The following AP3B1 variants were observed in gnomAD, a reference collection of about 807,000 sequenced individuals.
AP3B1 encodes AP-3 complex subunit beta-1.
A neutral mutation model predicts 132.5 loss-of-function variants in AP3B1; 61 were observed. The ratio of observed to expected loss-of-function variants is 0.46; its 90% CI spans 0.37 to 0.57. AP3B1 has a LOEUF of 0.57. Among genes scored for constraint, AP3B1 ranks in the 20% least tolerant of loss-of-function variants. The pLI is 0.00. For synonymous variants in AP3B1, 388 were observed against 438.3 expected, an observed-to-expected ratio of 0.89 and a Z score of 1.43; for missense variants, 1,120 against 1,289.4, an observed-to-expected ratio of 0.87 and a Z score of 2.01.
intron 22 of AP3B1, among the ~76,000 whole-genome samples, chr5:78,044,533 G>A (rs576017549): frequency 5.3e-5 from 8 of 152,208 alleles, no homozygotes; most frequent in South Asian, 4.2e-4. Flanking sequence ...TATAATATCG[G>A]GGAAAGAAAG....
chr5:78,038,503 T>C (rs1213512100), intron 23 of AP3B1, among the ~76,000 whole-genome samples: 2 of 152,248 alleles, frequency 1.3e-5, no homozygotes, highest in African/African-American at 4.8e-5. Context: ...AGAAACTTTA[T>C]GAATTTGTGT....
intron 3 of AP3B1, among the ~76,000 whole-genome samples, chr5:78,237,093 G>A (rs1746909390): frequency 1.3e-5 from 2 of 152,266 alleles, no homozygotes; most frequent in East Asian, 1.9e-4. Flanking sequence ...GAATACAACT[G>A]TTTTGATTTT....
At chr5:78,098,333 T>A (rs1750986580) in intron 21 of AP3B1, among the ~76,000 whole-genome samples, 1 of 151,616 alleles carries the variant, frequency 6.6e-6, no homozygotes, top group South Asian at 2.1e-4. Context: ...TCTCAACATA[T>A]AAAAATATAC....
At chr5:78,005,793 G>A (rs1036811850) in intron 26 of AP3B1, among the ~76,000 whole-genome samples, 4 of 152,116 alleles carry the variant, frequency 2.6e-5, no homozygotes, top group African/African-American at 4.8e-5. Flanking sequence ...CCCTCGGAAG[G>A]CAAAAACCAC....
At chr5:78,121,305 C>T (rs1752180422) in intron 17 of AP3B1, among the ~76,000 whole-genome samples, 1 of 152,010 alleles carries the variant, frequency 6.6e-6, no homozygotes, top group African/African-American at 2.4e-5. Context: ...AGAGCAAACA[C>T]ATTCAAAAGC....
intron 11 of AP3B1, among the ~76,000 whole-genome samples, chr5:78,173,372 T>C: frequency 6.6e-6 from 1 of 152,252 alleles, no homozygotes; most frequent in Middle Eastern, 3.4e-3. Context: ...AAGTCTCCCA[T>C]TATTTTTGTG....
Position 78,161,440 on chromosome 5 carries a change from T to C in AP3B1, c.1363+1379A>G, listed in dbSNP as rs79361187. Among the ~76,000 whole-genome samples the C allele has an allele frequency of 8.4e-3, 1,277 of 152,136 alleles. 25 individuals are homozygous for C. Among genetic ancestry groups the C allele is most frequent in the African/African-American group, 0.03 (1,235 of 41,556 alleles). On this transcript the variant is annotated intron_variant, in intron 13 of 26. Transcript: ENST00000255194. ...GTTCATAATCTTTAATGGTACAAAG[T>C]TATTTTCCCAAGGTGTGTATTTTAT...
chr5:78,232,986 C>T (rs7714831), intron 3 of AP3B1, among the ~76,000 whole-genome samples: 3,907 of 152,232 alleles, frequency 0.026, 188 homozygotes, highest in African/African-American at 0.089. Context: ...GGATTACTGG[C>T]GTGAGCCACC....
intron 23 of AP3B1, among the ~76,000 whole-genome samples, chr5:78,035,303 T>A (rs1747761768): frequency 6.6e-6 from 1 of 152,010 alleles, no homozygotes; most frequent in Non-Finnish European, 1.5e-5. Flanking sequence ...AAACTGTCCA[T>A]TTTTGATTTC....
chr5:78,087,146 T>C (rs1350354494), intron 22 of AP3B1, among the ~76,000 whole-genome samples: 1 of 152,196 alleles, frequency 6.6e-6, no homozygotes, highest in Non-Finnish European at 1.5e-5. Flanking sequence ...TCTATTCAAC[T>C]AGGACAACAT....
At chr5:78,028,040 C>T (rs557397824) in intron 24 of AP3B1, among the ~76,000 whole-genome samples, 2 of 151,856 alleles carry the variant, frequency 1.3e-5, no homozygotes, top group East Asian at 1.9e-4. Flanking sequence ...GAAGGACAGT[C>T]GCTTGAACCT....
intron 22 of AP3B1, among the ~76,000 whole-genome samples, chr5:78,048,926 CA>C (rs1748459755): frequency 6.6e-6 from 1 of 152,154 alleles, no homozygotes; most frequent in Non-Finnish European, 1.5e-5. Flanking sequence ...CCCCTTCCCC[CA>C]CTTTCTCTAA....
intron 14 of AP3B1, among the ~76,000 whole-genome samples, chr5:78,149,678 TG>T (rs893904581): frequency 6.6e-6 from 1 of 152,182 alleles, no homozygotes; most frequent in African/African-American, 2.4e-5. Context: ...ATGAGAAAAC[TG>T]GAGCATAGTG....
intron 19 of AP3B1, among the ~76,000 whole-genome samples, chr5:78,111,375 C>T (rs1025815730): frequency 1.8e-4 from 27 of 152,058 alleles, no homozygotes; most frequent in African/African-American, 6.3e-4. Context: ...CTAAGGATAA[C>T]GATGGTTAGT....
At chr5:78,158,696 A>C (rs1410125262) in intron 13 of AP3B1, among the ~76,000 whole-genome samples, 1 of 151,246 alleles carries the variant, frequency 6.6e-6, no homozygotes, top group African/African-American at 2.4e-5. Context: ...ATAGGCAGGT[A>C]TTACTTCTTT....
At chr5:78,064,717 A>G (rs1290564947) in intron 22 of AP3B1, among the ~76,000 whole-genome samples, 3 of 152,250 alleles carry the variant, frequency 2.0e-5, no homozygotes, top group Non-Finnish European at 4.4e-5. Context: ...TAAGAAATAT[A>G]AAGAATGGAA....
At chr5:78,213,850 T>C (rs1199010042) in intron 7 of AP3B1, among the ~76,000 whole-genome samples, 1 of 152,244 alleles carries the variant, frequency 6.6e-6, no homozygotes, top group Non-Finnish European at 1.5e-5. Flanking sequence ...AAATCTTCTA[T>C]TTAAAGTGGT....
intron 2 of AP3B1, among the ~76,000 whole-genome samples, chr5:78,262,950 G>A (rs570885160): frequency 1.2e-4 from 19 of 152,246 alleles, no homozygotes; most frequent in African/African-American, 3.1e-4. Context: ...GATTACAAGC[G>A]TGAGCCACTG....
Position 78,080,768 on chromosome 5 carries a change from T to G in AP3B1, c.2577+8625A>C, listed in dbSNP as rs1282888902. On this transcript the variant is annotated intron_variant, in intron 22 of 26. Coordinates refer to ENST00000255194, the MANE Select transcript of AP3B1 (RefSeq NM_003664.5). The stretch of plus-strand genomic sequence containing the variant: ...ACCCTCACATGCAACCATTCAATAA[T>G]TGTAATAAGCACACATATTTTAGAT... Among the ~76,000 whole-genome samples, 3 of 152,046 alleles carry G rather than the reference T, an allele frequency of 2.0e-5. No homozygotes were observed. The South Asian group carries it at 6.2e-4, about 32-fold the overall frequency.
Sources: allele counts gnomAD v4.1 joint callset (sites outside exome capture counted in the v4.1 genomes callset), GRCh38; gene constraint gnomAD v4.1.1; transcripts MANE v1.5; gene names NCBI Gene and HGNC (gene_info 2026-07-23, HGNC 2026-07-21).